ARB2A: variants seen among roughly 807,000 people sequenced by gnomAD.
The protein encoded by ARB2A is cotranscriptional regulator ARB2A.
At chr5:93,826,096 T>G in the ARB2A span, among the ~76,000 whole-genome samples, 1 of 152,156 alleles carries the variant, frequency 6.6e-6, no homozygotes, top group African/African-American at 2.4e-5. Flanking sequence ...AACTTCATTT[T>G]GCTGTTTATT....
chr5:94,105,779 AAAAC>A, the ARB2A span, among the ~76,000 whole-genome samples: 1 of 151,734 alleles, frequency 6.6e-6, no homozygotes, highest in African/African-American at 2.4e-5. Flanking sequence ...AAAAAAAAAA[AAAAC>A]AGACACATAA....
chr5:93,848,700 T>C, the ARB2A span, among the ~76,000 whole-genome samples: 1 of 152,312 alleles, frequency 6.6e-6, no homozygotes, highest in Non-Finnish European at 1.5e-5. Context: ...GTAATCATTT[T>C]AGGAAACTAG....
chr5:93,852,898 C>A, the ARB2A span, among the ~76,000 whole-genome samples: 1 of 151,986 alleles, frequency 6.6e-6, no homozygotes, highest in Non-Finnish European at 1.5e-5. Context: ...TGATGCCTCC[C>A]TCTTTGTTCT....
chr5:94,053,754 C>T, the ARB2A span, among the ~76,000 whole-genome samples: 12 of 152,056 alleles, frequency 7.9e-5, no homozygotes, highest in African/African-American at 2.7e-4. Flanking sequence ...AAAACTCTGT[C>T]AAGGAGTTTT....
At chr5:94,060,405 T>C in the ARB2A span, among the ~76,000 whole-genome samples, 1 of 152,036 alleles carries the variant, frequency 6.6e-6, no homozygotes, top group Non-Finnish European at 1.5e-5. Flanking sequence ...ACATAAATTA[T>C]ACAAATTAGA....
chr5:93,760,515 CA>C, the ARB2A span, among the ~76,000 whole-genome samples: 1 of 152,174 alleles, frequency 6.6e-6, no homozygotes, highest in Non-Finnish European at 1.5e-5. Context: ...TATAAGGTTA[CA>C]GTCACCAAAA....
At chr5:94,085,912 T>C in the ARB2A span, among the ~76,000 whole-genome samples, 1 of 152,198 alleles carries the variant, frequency 6.6e-6, no homozygotes, top group East Asian at 1.9e-4. Flanking sequence ...TCATTTATAT[T>C]GAGCTAAACT....
the ARB2A span, chr5:94,053,268 C>T: frequency 9.4e-7 from 1 of 1,065,944 alleles, no homozygotes; most frequent in Non-Finnish European, 1.4e-6. Context: ...TATTCATTTT[C>T]ATAGTTTGTA....
chr5:93,652,115 T>C, the ARB2A span, among the ~76,000 whole-genome samples: 1 of 152,212 alleles, frequency 6.6e-6, no homozygotes, highest in African/African-American at 2.4e-5. Context: ...TTAAATGGAC[T>C]AGTCACTTCA....
the ARB2A span, among the ~76,000 whole-genome samples, chr5:94,051,091 C>T: frequency 5.3e-4 from 81 of 152,192 alleles, no homozygotes; most frequent in African/African-American, 1.8e-3. Flanking sequence ...TATTTTAAGG[C>T]CTAATATGTA....
At chr5:93,758,054 C>T in the ARB2A span, among the ~76,000 whole-genome samples, 14 of 152,178 alleles carry the variant, frequency 9.2e-5, no homozygotes, top group South Asian at 1.7e-3. Context: ...TAGAAAACAG[C>T]GTTTCATGCA....
the ARB2A span, among the ~76,000 whole-genome samples, chr5:94,047,417 A>G: frequency 2.0e-5 from 3 of 151,338 alleles, no homozygotes; most frequent in Non-Finnish European, 4.4e-5. Context: ...ACTTGAACCC[A>G]GGAAGTGGAG....
the ARB2A span, among the ~76,000 whole-genome samples, chr5:93,951,973 T>G: frequency 6.6e-6 from 1 of 152,190 alleles, no homozygotes; most frequent in Non-Finnish European, 1.5e-5. Flanking sequence ...TGGTAAGATA[T>G]GAACCCAAGG....
chr5:93,880,376 A>G, the ARB2A span, among the ~76,000 whole-genome samples: 2 of 151,804 alleles, frequency 1.3e-5, no homozygotes, highest in African/African-American at 2.4e-5. Flanking sequence ...CTAGAATAAT[A>G]CAGAAAATAA....
the ARB2A span, among the ~76,000 whole-genome samples, chr5:93,675,243 C>T: frequency 6.6e-6 from 1 of 152,142 alleles, no homozygotes; most frequent in African/African-American, 2.4e-5. Flanking sequence ...TACAGTTGTT[C>T]ACGATCCTAC....
the ARB2A span, among the ~76,000 whole-genome samples, chr5:93,980,836 A>G: frequency 6.6e-6 from 1 of 152,072 alleles, no homozygotes. Context: ...AATGTTTTCA[A>G]GCATTTTAAA....
At chr5:93,990,059 G>A in the ARB2A span, among the ~76,000 whole-genome samples, 4 of 151,850 alleles carry the variant, frequency 2.6e-5, no homozygotes, top group African/African-American at 9.7e-5. Flanking sequence ...AAAATAAAAA[G>A]GTTAGTAATA....
the ARB2A span, among the ~76,000 whole-genome samples, chr5:94,058,456 T>C: frequency 3.2e-3 from 488 of 152,266 alleles, 2 homozygotes; most frequent in Non-Finnish European, 5.1e-3. Flanking sequence ...AAAAAACATC[T>C]ACTTCAATGT....
chr5:93,634,497 G>A, the ARB2A span, among the ~76,000 whole-genome samples: 1 of 152,100 alleles, frequency 6.6e-6, no homozygotes, highest in East Asian at 1.9e-4. Flanking sequence ...CCAACAAACT[G>A]ATGAGGTGGA....
Sources: gnomAD v4.1 joint callset for allele counts (sites outside exome capture counted in the v4.1 genomes callset) on GRCh38, gnomAD v4.1.1 for gene constraint, MANE v1.5 for transcripts, NCBI Gene and HGNC (gene_info 2026-07-23, HGNC 2026-07-21) for gene names.